The following CPNE5 variants were observed in gnomAD, a reference collection of about 807,000 sequenced individuals.
CPNE5 encodes the protein copine-5.
Under a neutral mutation model 81.1 loss-of-function variants are expected in CPNE5, and 42 were observed. That is an observed-to-expected ratio of 0.52 (90% CI 0.40 to 0.67). The LOEUF is 0.67. CPNE5 is among the 30% of genes least tolerant of loss of function. The pLI is 0.00. For missense variants in CPNE5, 612 were observed against 815.5 expected (o/e 0.75, Z 3.04); for synonymous variants, 313 against 321.5 (o/e 0.97, Z 0.28).
At chr6:36,795,636 C>T (rs72856431) in intron 6 of CPNE5, among the ~76,000 whole-genome samples, 1,775 of 152,310 alleles carry the variant, frequency 0.012, 23 homozygotes, top group Non-Finnish European at 0.019. Context: ...AAGAAGACAG[C>T]CATCCTCAGA....
intron 3 of CPNE5, among the ~76,000 whole-genome samples, chr6:36,809,123 G>C (rs1429405913): frequency 6.6e-6 from 1 of 152,126 alleles, no homozygotes; most frequent in Non-Finnish European, 1.5e-5. Context: ...TGGACCCACA[G>C]ATCAGGTCAT....
chr6:36,827,774 G>A, intron 1 of CPNE5: 1 of 985,032 alleles, frequency 1.0e-6, no homozygotes, highest in Non-Finnish European at 1.2e-6. Context: ...AAGGGCCCGA[G>A]ACACCAGGGC....
intron 1 of CPNE5, among the ~76,000 whole-genome samples, chr6:36,828,400 T>C (rs957509799): frequency 2.7e-5 from 4 of 149,074 alleles, no homozygotes; most frequent in African/African-American, 1.0e-4. Flanking sequence ...GGGAGCCCGG[T>C]CTGACCAGGA....
At chr6:36,795,939 GTATTTTATTT>G (rs139886823) in intron 6 of CPNE5, among the ~76,000 whole-genome samples, 3 of 151,810 alleles carry the variant, frequency 2.0e-5, no homozygotes, top group Non-Finnish European at 4.4e-5. Flanking sequence ...GTCAACCTCT[GTATTTTATTT>G]TATTTTATTT....
In CPNE5 at chr6:36,746,408, G is replaced by A. The variant is rs137962210; in HGVS notation, c.1188C>T (p.His396=). 3.7e-4 allele frequency: 595 copies of A among 1,608,408 alleles called. 2 individuals are homozygous for A. The African/African-American group carries it at 6.7e-3, about 18-fold the overall frequency. The change falls in exon 16 of 21, where the codon CAC becomes CAT. Residue 396 remains histidine (H), a synonymous_variant. Transcript: ENST00000244751. The surrounding 1 kb of genome is among the most constrained non-coding windows in gnomAD (Gnocchi z 4.5). The part of the protein sequence containing the change: ...AKLPPDGRVS[H]EFPLNGNQEN... Reference sequence around the variant, plus strand: ...CGGGACCACCTACCAGTGGGAACTCGTGGGACACTCTGCCATCCGGGGGCA... The same window carrying A: ...CGGGACCACCTACCAGTGGGAACTCATGGGACACTCTGCCATCCGGGGGCA...
chr6:36,786,251 G>C (rs1436430554), intron 8 of CPNE5, among the ~76,000 whole-genome samples: 1 of 152,098 alleles, frequency 6.6e-6, no homozygotes, highest in Non-Finnish European at 1.5e-5. Context: ...GCCTGGAGCT[G>C]GGCTCACGGG....
At chr6:36,800,333 A>G (rs1305077415) in intron 3 of CPNE5, among the ~76,000 whole-genome samples, 1 of 152,166 alleles carries the variant, frequency 6.6e-6, no homozygotes, top group African/African-American at 2.4e-5. Flanking sequence ...ATACCTGAGC[A>G]GGCCCTTCCC....
chr6:36,800,034 G>T lies in CPNE5; in HGVS notation c.220C>A (p.Pro74Thr). The T allele has an allele frequency of 6.2e-7, 1 of 1,613,974 alleles. No homozygotes were observed. The highest frequency in any genetic ancestry group is 8.5e-7 in the Non-Finnish European group (1 of 1,179,992). The change falls in exon 4 of 21, where the codon CCT becomes ACT. Residue 74 changes from proline (P) to threonine (T), a missense_variant. Transcript: ENST00000244751. Reference sequence around the variant, plus strand: ...ACAATGAACTTGCGCACGAAGTCAGGATTGAGCGTGTTGTCGATGACTTCG... The same window carrying T: ...ACAATGAACTTGCGCACGAAGTCAGTATTGAGCGTGTTGTCGATGACTTCG... ...RTEVIDNTLN[P>T]DFVRKFIVDY... is the part of the protein sequence containing the mutation.
chr6:36,764,764 C>T (rs1235698471), intron 11 of CPNE5, among the ~76,000 whole-genome samples: 3 of 152,126 alleles, frequency 2.0e-5, no homozygotes, highest in Non-Finnish European at 4.4e-5. Flanking sequence ...ACTCACGCCT[C>T]GTAGCTCTCC....
At position 36,765,323 on chromosome 6, in the gene CPNE5, C is replaced by G. The variant is rs1178157546; in HGVS notation, c.779+12G>C. Reference sequence around the variant, plus strand: ...CACTCACCTTCTCGCCCCTGCCCTCCTGCCTGCTTACCTGCCGTCCCGATC... The same window carrying G: ...CACTCACCTTCTCGCCCCTGCCCTCGTGCCTGCTTACCTGCCGTCCCGATC... On this transcript the variant is annotated intron_variant, in intron 11 of 20. Transcript: ENST00000244751. 1.2e-6 allele frequency: 2 copies of G among 1,614,006 alleles called. No homozygotes were observed. The highest frequency in any genetic ancestry group is 3.3e-5 in the Admixed American group (2 of 60,018).
intron 8 of CPNE5, among the ~76,000 whole-genome samples, chr6:36,791,807 T>C (rs1561790464): frequency 6.6e-6 from 1 of 152,200 alleles, no homozygotes; most frequent in African/African-American, 2.4e-5. Flanking sequence ...AGCTGGGCTC[T>C]GCTGCTGACT....
At chr6:36,754,495 A>AT (rs1765207623) in intron 13 of CPNE5, 1 of 152,254 alleles carries the variant, frequency 6.6e-6, no homozygotes, top group South Asian at 2.1e-4. Flanking sequence ...TAAGTAAGGG[A>AT]TGAAAAGCAC....
rs528172745 is a variant in CPNE5, at chr6:36,746,426, C to G, written c.1170G>C (p.Pro390=). Reference sequence around the variant, plus strand: ...GGAACTCGTGGGACACTCTGCCATCCGGGGGCAGCTTGGCCCCGAAGCCCA... The same window carrying G: ...GGAACTCGTGGGACACTCTGCCATCGGGGGGCAGCTTGGCCCCGAAGCCCA... ...PALGFGAKLP[P]DGRVSHEFPL... The change falls in exon 16 of 21, where the codon CCG becomes CCC. Residue 390 remains proline, a synonymous_variant. Coordinates refer to ENST00000244751, the MANE Select transcript of CPNE5 (RefSeq NM_020939.2). This position sits in a 1 kb window ranked among gnomAD's most constrained non-coding sequence, Gnocchi z 4.5. The G allele has an allele frequency of 1.2e-6, 2 of 1,612,948 alleles. No individual in the cohort carries two copies. The highest frequency in any genetic ancestry group is 8.5e-7 in the Non-Finnish European group (1 of 1,179,444).
chr6:36,817,930 C>T (rs1405538874), intron 3 of CPNE5, among the ~76,000 whole-genome samples: 2 of 152,168 alleles, frequency 1.3e-5, no homozygotes, highest in African/African-American at 2.4e-5. Context: ...TTGAGACTCA[C>T]CATCTTTCAT....
chr6:36,751,794 C>T (rs1365169540), intron 14 of CPNE5, among the ~76,000 whole-genome samples: 2 of 144,508 alleles, frequency 1.4e-5, no homozygotes, highest in African/African-American at 5.0e-5. Context: ...GACTCTGTCT[C>T]AAAAAATAAA....
chr6:36,825,974 C>G (rs1214687202), intron 1 of CPNE5, among the ~76,000 whole-genome samples: 1 of 152,172 alleles, frequency 6.6e-6, no homozygotes, highest in Non-Finnish European at 1.5e-5. Context: ...TCAGAGGTCA[C>G]CTTTCCCAAC....
intron 12 of CPNE5, among the ~76,000 whole-genome samples, chr6:36,758,576 T>A (rs1765716384): frequency 6.6e-6 from 1 of 152,198 alleles, no homozygotes; most frequent in Non-Finnish European, 1.5e-5. Context: ...AAATTACTAC[T>A]ACTATTATTA....
intron 3 of CPNE5, among the ~76,000 whole-genome samples, chr6:36,821,273 T>C (rs113903767): frequency 0.13 from 18,261 of 145,958 alleles, 1,176 homozygotes; most frequent in East Asian, 0.25. Flanking sequence ...GGGCCCAGCG[T>C]CAGGAGATTA....
At chr6:36,817,611 G>T (rs1043621430) in intron 3 of CPNE5, among the ~76,000 whole-genome samples, 1 of 152,054 alleles carries the variant, frequency 6.6e-6, no homozygotes, top group Non-Finnish European at 1.5e-5. Context: ...GTCTGTGCTG[G>T]ACAGCCCCCG....
Sources: gnomAD v4.1 joint callset for allele counts (sites outside exome capture counted in the v4.1 genomes callset) on GRCh38, gnomAD v4.1.1 for gene constraint, Gnocchi (gnomAD v3.1) non-coding constraint, MANE v1.5 for transcripts, NCBI Gene and HGNC (gene_info 2026-07-23, HGNC 2026-07-21) for gene names.